Variants in ZFYVE9 observed in about 807,000 individuals in gnomAD.
The protein encoded by ZFYVE9 is zinc finger FYVE domain-containing protein 9.
In ZFYVE9, 43 loss-of-function variants were observed where a neutral mutation model predicts 126.7. The ratio of observed to expected loss-of-function variants is 0.34; its 90% CI spans 0.27 to 0.44. ZFYVE9 has a LOEUF of 0.44. Among genes scored for constraint, ZFYVE9 ranks in the 20% least tolerant of loss-of-function variants. The probability of loss-of-function intolerance (pLI) is 1.00; values close to 1 mark genes in which losing one functional copy is unlikely to be tolerated. For missense variants in ZFYVE9, 1,476 were observed against 1,697.0 expected, an observed-to-expected ratio of 0.87 and a Z score of 2.29; for synonymous variants, 521 against 597.4, an observed-to-expected ratio of 0.87 and a Z score of 1.87.
chr1:52,256,088 T>G (rs1645516145), intron 4 of ZFYVE9, among the ~76,000 whole-genome samples: 1 of 150,574 alleles, frequency 6.6e-6, no homozygotes, highest in Non-Finnish European at 1.5e-5. Context: ...TTCTTTCAGA[T>G]GGAGTCTCGC....
chr1:52,252,544 A>G (rs1416929144), intron 4 of ZFYVE9: 1 of 178,026 alleles, frequency 5.6e-6, no homozygotes, highest in East Asian at 1.7e-4. Context: ...TATTTTTAGT[A>G]CAGACGAGTT....
At chr1:52,181,289 T>A (rs1644699692) in intron 1 of ZFYVE9, among the ~76,000 whole-genome samples, 1 of 152,246 alleles carries the variant, frequency 6.6e-6, no homozygotes, top group Non-Finnish European at 1.5e-5. Context: ...TTCGCTGGGT[T>A]GGCCGGGCTG....
intron 1 of ZFYVE9, among the ~76,000 whole-genome samples, chr1:52,213,224 C>T (rs1645043390): frequency 6.6e-6 from 1 of 152,090 alleles, no homozygotes; most frequent in African/African-American, 2.4e-5. Flanking sequence ...CTCCCTTTCC[C>T]TTCCTTTATT....
At chr1:52,168,214 C>CTTTTTTTTT (rs139943554) in intron 1 of ZFYVE9, among the ~76,000 whole-genome samples, 6 of 114,986 alleles carry the variant, frequency 5.2e-5, no homozygotes, top group Non-Finnish European at 8.8e-5. Flanking sequence ...TCTTCGTCTT[C>CTTTTTTTTT]TTTTTTTTTT....
chr1:52,152,828 T>C (rs1427666958), intron 1 of ZFYVE9, among the ~76,000 whole-genome samples: 5 of 152,250 alleles, frequency 3.3e-5, no homozygotes, highest in African/African-American at 7.2e-5. Context: ...CATAGTGTAT[T>C]GGTTCAGGTC....
intron 12 of ZFYVE9, among the ~76,000 whole-genome samples, chr1:52,298,948 A>C (rs908399465): frequency 4.6e-5 from 7 of 151,584 alleles, no homozygotes; most frequent in African/African-American, 1.7e-4. Context: ...AGCTGGGACT[A>C]CAGGTGCCCG....
intron 12 of ZFYVE9, 42 bp from the exon 13 acceptor site, chr1:52,303,779 T>C (rs1320887141): frequency 1.6e-6 from 2 of 1,279,566 alleles, no homozygotes; most frequent in Non-Finnish European, 2.1e-6. Flanking sequence ...AACCCTACCA[T>C]TGATGAATTA....
At chr1:52,195,058 A>G (rs1644847851) in intron 1 of ZFYVE9, among the ~76,000 whole-genome samples, 1 of 152,210 alleles carries the variant, frequency 6.6e-6, no homozygotes, top group Non-Finnish European at 1.5e-5. Flanking sequence ...CTGTTAACCT[A>G]TACCTCTCTC....
intron 17 of ZFYVE9, among the ~76,000 whole-genome samples, chr1:52,340,669 G>A (rs1646426809): frequency 6.6e-6 from 1 of 151,956 alleles, no homozygotes; most frequent in African/African-American, 2.4e-5. Context: ...GGAGGCTGAG[G>A]TGGGTGGATC....
At chr1:52,310,378 T>C (rs1347559408) in intron 13 of ZFYVE9, among the ~76,000 whole-genome samples, 1 of 152,124 alleles carries the variant, frequency 6.6e-6, no homozygotes, top group Non-Finnish European at 1.5e-5. Context: ...ATGACATGAG[T>C]ATGCTAACTA....
chr1:52,268,954 G>A (rs1645660804), intron 7 of ZFYVE9, among the ~76,000 whole-genome samples: 1 of 152,016 alleles, frequency 6.6e-6, no homozygotes, highest in Non-Finnish European at 1.5e-5. Flanking sequence ...AGGTTCCATG[G>A]CAGCCTCTCA....
At chr1:52,303,784 G>A (rs1646056780) in intron 12 of ZFYVE9, 37 bp from the exon 13 acceptor site, 1 of 1,355,588 alleles carries the variant, frequency 7.4e-7, no homozygotes, top group Non-Finnish European at 1.0e-6. Context: ...TACCATTGAT[G>A]AATTAATTTA....
intron 11 of ZFYVE9, among the ~76,000 whole-genome samples, chr1:52,294,743 G>C (rs187144223): frequency 7.4e-4 from 112 of 152,286 alleles, no homozygotes; most frequent in African/African-American, 2.4e-3. Context: ...CTCTGAAGGA[G>C]GCATATGAAT....
intron 2 of ZFYVE9, among the ~76,000 whole-genome samples, chr1:52,222,734 T>G (rs1645135353): frequency 6.6e-6 from 1 of 152,238 alleles, no homozygotes. Flanking sequence ...AACCTGTAGC[T>G]TTCCTCGATT....
chr1:52,342,452 A>G (rs1479763360), intron 17 of ZFYVE9, among the ~76,000 whole-genome samples: 2 of 147,394 alleles, frequency 1.4e-5, no homozygotes, highest in Non-Finnish European at 3.0e-5. Flanking sequence ...TTGTATTTTT[A>G]GTAGAGATGA....
chr1:52,247,588 C>T (rs1645399516), intron 4 of ZFYVE9, among the ~76,000 whole-genome samples: 1 of 152,128 alleles, frequency 6.6e-6, no homozygotes, highest in African/African-American at 2.4e-5. Flanking sequence ...CCTCTGCCTC[C>T]TGGGTTCAAG....
chr1:52,231,379 A>C (rs1645219426), intron 2 of ZFYVE9, among the ~76,000 whole-genome samples: 1 of 151,770 alleles, frequency 6.6e-6, no homozygotes, highest in Admixed American at 6.6e-5. Context: ...TTAGCCAGGC[A>C]TGGTGGCACA....
At chr1:52,151,503 G>A (rs570530984) in intron 1 of ZFYVE9, among the ~76,000 whole-genome samples, 1 of 151,072 alleles carries the variant, frequency 6.6e-6, no homozygotes, top group South Asian at 2.1e-4. Flanking sequence ...CTATGTGTGT[G>A]TGTATGTGTG....
chr1:52,271,136 A>C (rs949316542), intron 7 of ZFYVE9, among the ~76,000 whole-genome samples: 1 of 152,140 alleles, frequency 6.6e-6, no homozygotes, highest in African/African-American at 2.4e-5. Flanking sequence ...TTTCTTTCCT[A>C]TCTCTTAGTT....
Sources: allele counts gnomAD v4.1 joint callset (sites outside exome capture counted in the v4.1 genomes callset), GRCh38; gene constraint gnomAD v4.1.1; transcripts MANE v1.5; gene names NCBI Gene and HGNC (gene_info 2026-07-23, HGNC 2026-07-21).